Variants in MCM10 observed in about 807,000 individuals in gnomAD.
MCM10 encodes protein MCM10 homolog.
In MCM10, 91 loss-of-function variants were observed where a neutral mutation model predicts 109.9. That is an observed-to-expected ratio of 0.83 (90% CI 0.70 to 0.99). MCM10 has a LOEUF of 0.99. MCM10 is among the 50% of genes least tolerant of loss of function. The pLI is 0.00. For synonymous variants in MCM10, 380 were observed against 387.2 expected (o/e 0.98, Z 0.22); for missense variants, 1,077 against 1,061.2 (o/e 1.01, Z -0.21).
At chr10:13,196,733 G>A (rs1220399022) in intron 14 of MCM10, among the ~76,000 whole-genome samples, 1 of 151,582 alleles carries the variant, frequency 6.6e-6, no homozygotes, top group Non-Finnish European at 1.5e-5. Flanking sequence ...GGCTGGTTTC[G>A]AACTCCTGAC....
At chr10:13,171,296 C>T (rs750668369) in intron 3 of MCM10, 33 bp downstream of exon 3, 82 of 1,543,572 alleles carry the variant, frequency 5.3e-5, no homozygotes, top group Non-Finnish European at 7.0e-5. Flanking sequence ...TTATTTCTTT[C>T]GGATAAGTTG....
chr10:13,195,384 T>C, intron 14 of MCM10, 115 bp downstream of exon 14: 1 of 773,716 alleles, frequency 1.3e-6, no homozygotes, highest in Non-Finnish European at 2.0e-6. Flanking sequence ...GTCAGTGTAA[T>C]TTGAAAACAT....
In MCM10 at chr10:13,172,224, C is replaced by T; in HGVS notation, c.350-152C>T. 2 of 635,184 alleles carry T rather than the reference C, an allele frequency of 3.1e-6. No individual in the cohort carries two copies. Among genetic ancestry groups the T allele is most frequent in the Non-Finnish European group, 5.7e-6 (2 of 352,850 alleles). 39.3% of individuals were successfully genotyped at this position (635,184 alleles called of 1,614,324 possible). Reference sequence around the variant, plus strand: ...TCTCTAAGAGACCTCTTTGAAGTACCAAAGTTAATCATGAGCTTTGGGTAT... The same window carrying T: ...TCTCTAAGAGACCTCTTTGAAGTACTAAAGTTAATCATGAGCTTTGGGTAT... On this transcript the variant is annotated intron_variant, in intron 3 of 19. Transcript: ENST00000378714. The surrounding 1 kb of genome is among the most constrained non-coding windows in gnomAD (Gnocchi z 5.2).
At chr10:13,183,707 G>A (rs1213530023) in intron 8 of MCM10, among the ~76,000 whole-genome samples, 1 of 149,968 alleles carries the variant, frequency 6.7e-6, no homozygotes, top group African/African-American at 2.5e-5. Flanking sequence ...TTTTTTGAAA[G>A]TGAGTCTTGC....
intron 10 of MCM10, among the ~76,000 whole-genome samples, chr10:13,189,534 G>A (rs902092892): frequency 3.3e-5 from 5 of 152,142 alleles, no homozygotes; most frequent in Non-Finnish European, 7.4e-5. Flanking sequence ...TGATGGCCAG[G>A]CTGGTCTCGA....
At chr10:13,175,468 A>T (rs749496720) in intron 5 of MCM10, 42 bp from the exon 6 acceptor site, 1 of 1,540,124 alleles carries the variant, frequency 6.5e-7, no homozygotes, top group East Asian at 2.3e-5. Flanking sequence ...GTTCGTGATT[A>T]TCAGTGTGGT....
chr10:13,191,488 A>ACTGG (rs1418255674), intron 11 of MCM10, 89 bp downstream of exon 11: 3 of 994,552 alleles, frequency 3.0e-6, no homozygotes, highest in Non-Finnish European at 3.2e-6. Context: ...TACAGGGTAC[A>ACTGG]CTGCTCCGGT....
intron 9 of MCM10, among the ~76,000 whole-genome samples, chr10:13,188,661 G>A (rs75939616): frequency 0.014 from 2,073 of 152,256 alleles, 59 homozygotes; most frequent in African/African-American, 0.047. Flanking sequence ...GAGGGCAAGG[G>A]GTATTTCACC....
intron 8 of MCM10, among the ~76,000 whole-genome samples, chr10:13,185,576 T>G (rs1206853749): frequency 6.6e-6 from 1 of 151,996 alleles, no homozygotes; most frequent in Non-Finnish European, 1.5e-5. Context: ...CTCTAAGGAG[T>G]GCTGGGAGAA....
At chr10:13,164,285 A>G (rs1160895103) in intron 2 of MCM10, 76 bp downstream of exon 2, 2 of 1,424,290 alleles carry the variant, frequency 1.4e-6, no homozygotes, top group Non-Finnish European at 1.9e-6. Flanking sequence ...TATTTATTCT[A>G]CCTGTAAAAT....
chr10:13,200,023 G>A (rs1023319616), intron 16 of MCM10, among the ~76,000 whole-genome samples: 2 of 151,898 alleles, frequency 1.3e-5, no homozygotes, highest in African/African-American at 4.8e-5. Flanking sequence ...GTCTTTTTCT[G>A]TCCCCCATCA....
At chr10:13,201,599 A>C in intron 17 of MCM10, 65 bp downstream of exon 17, 1 of 1,189,402 alleles carries the variant, frequency 8.4e-7, no homozygotes. Flanking sequence ...ACTCGGCAGC[A>C]TGTGGAGAAC....
intron 16 of MCM10, among the ~76,000 whole-genome samples, chr10:13,199,510 A>AC (rs1834467458): frequency 6.6e-6 from 1 of 152,186 alleles, no homozygotes; most frequent in African/African-American, 2.4e-5. Flanking sequence ...TCAGTAGTTA[A>AC]CCCCATCACA....
rs1394916525 is a variant in MCM10, at chr10:13,175,597, G to C, written c.680G>C (p.Arg227Thr). The change falls in exon 6 of 20, where the codon AGA becomes ACA. Residue 227 changes from arginine to threonine, a missense_variant. Physicochemically the swap from Arg to Thr is moderately conservative, Grantham distance 71 (BLOSUM62 -1). Coordinates refer to ENST00000378714, the MANE Select transcript of MCM10 (RefSeq NM_018518.5). Reference sequence around the variant, plus strand: ...CGGAACAAACCTAGTGGGATAACTAGAGGTCAAATTGTGGGGACCCCAGGA... The same window carrying C: ...CGGAACAAACCTAGTGGGATAACTACAGGTCAAATTGTGGGGACCCCAGGA... ...ISRNKPSGIT[R>T]GQIVGTPGSS... The C allele has an allele frequency of 6.2e-7, 1 of 1,613,886 alleles. No homozygotes were observed. Among genetic ancestry groups the C allele is most frequent in the Non-Finnish European group, 8.5e-7 (1 of 1,179,786 alleles).
intron 6 of MCM10, among the ~76,000 whole-genome samples, chr10:13,178,129 C>T (rs1039963672): frequency 5.9e-5 from 9 of 152,120 alleles, no homozygotes; most frequent in Non-Finnish European, 8.8e-5. Flanking sequence ...CAGTCTTGCT[C>T]TGTTCCCTGG....
chr10:13,209,772 T>G lies in MCM10; in HGVS notation c.*462T>G, dbSNP rs2131594553. On this transcript the variant is annotated 3_prime_UTR_variant, in exon 20 of 20. Transcript: ENST00000378714. ...TTCTCATCTGTAAAATCAGGAAGAT[T>G]GGACTAAGTGATCCTGAAATGTATT... 1 of 160,024 alleles carries G rather than the reference T, an allele frequency of 6.2e-6. No individual in the cohort carries two copies. Among genetic ancestry groups the G allele is most frequent in the Non-Finnish European group, 1.4e-5 (1 of 72,966 alleles). The allele number at this position is 160,024 out of a possible 1,614,324, so 9.9% of individuals were successfully genotyped here. A position where few individuals can be genotyped will look rare whatever the true frequency, so the allele number is the denominator to read the frequency against.
intron 6 of MCM10, among the ~76,000 whole-genome samples, chr10:13,180,080 C>T (rs564870442): frequency 5.3e-5 from 8 of 152,074 alleles, no homozygotes; most frequent in South Asian, 2.1e-4. Flanking sequence ...ATGGCAAAAC[C>T]CCATCTCTAC....
At chr10:13,197,933 T>C (rs535838954) in intron 15 of MCM10, among the ~76,000 whole-genome samples, 166 bp downstream of exon 15, 127 of 136,152 alleles carry the variant, frequency 9.3e-4, no homozygotes, top group Admixed American at 3.3e-3. Flanking sequence ...TTTTTTTTTT[T>C]CATGGAGTCT....
At chr10:13,166,235 T>C (rs1193570049) in intron 2 of MCM10, among the ~76,000 whole-genome samples, 1 of 152,098 alleles carries the variant, frequency 6.6e-6, no homozygotes, top group Non-Finnish European at 1.5e-5. Flanking sequence ...AAGAATTGGC[T>C]GTGAATAGCA....
Sources: allele counts gnomAD v4.1 joint callset (sites outside exome capture counted in the v4.1 genomes callset), GRCh38; gene constraint gnomAD v4.1.1; non-coding constraint Gnocchi (gnomAD v3.1); transcripts MANE v1.5; gene names NCBI Gene and HGNC (gene_info 2026-07-23, HGNC 2026-07-21).